Variants in FRMD4B observed in about 807,000 individuals in gnomAD.
The protein encoded by FRMD4B is FERM domain containing 4B.
In FRMD4B, 74 loss-of-function variants were observed where a neutral mutation model predicts 141.5. The ratio of observed to expected loss-of-function variants is 0.52; its 90% CI spans 0.43 to 0.63. FRMD4B has a LOEUF of 0.63. Among genes scored for constraint, FRMD4B ranks in the 30% least tolerant of loss-of-function variants. FRMD4B has a pLI of 0.00. For synonymous variants in FRMD4B, 506 were observed against 467.9 expected (o/e 1.08, Z -1.05); for missense variants, 1,366 against 1,253.4 (o/e 1.09, Z -1.36).
chr3:69,332,930 G>T (rs537629457), intron 1 of FRMD4B, among the ~76,000 whole-genome samples: 1 of 152,014 alleles, frequency 6.6e-6, no homozygotes, highest in South Asian at 2.1e-4. Context: ...CTTAACAAGA[G>T]CATTCACCAA....
intron 5 of FRMD4B, among the ~76,000 whole-genome samples, chr3:69,260,316 C>T (rs145887579): frequency 1.3e-5 from 2 of 152,328 alleles, no homozygotes; most frequent in Non-Finnish European, 2.9e-5. Flanking sequence ...CGCGAGTTGG[C>T]GAGTCAGCAC....
At position 69,486,613 on chromosome 3, in the gene FRMD4B, A is replaced by C. The variant is rs534604886; in HGVS notation, c.-128-53852T>G. The stretch of plus-strand genomic sequence containing the variant: ...AGTGAGCAGAAGGGGATTTACATTG[A>C]ATCTTGGAAAGAAAAGGGGGGAAAA... On this transcript the variant is annotated intron_variant, in intron 1 of 5. Transcript: ENST00000459638. Among the ~76,000 whole-genome samples the C allele has an allele frequency of 3.3e-5, 5 of 152,176 alleles. No individual in the cohort carries two copies. The East Asian group carries it at 7.7e-4, about 23-fold the overall frequency.
intron 2 of FRMD4B, among the ~76,000 whole-genome samples, chr3:69,411,064 G>T (rs1704752928): frequency 6.6e-6 from 1 of 151,914 alleles, no homozygotes; most frequent in African/African-American, 2.4e-5. Flanking sequence ...GATTGAAGTG[G>T]GGACACCGCC....
intron 1 of FRMD4B, among the ~76,000 whole-genome samples, chr3:69,338,406 T>G (rs1427710882): frequency 1.3e-5 from 2 of 152,082 alleles, no homozygotes; most frequent in African/African-American, 4.8e-5. Flanking sequence ...TGTATATATA[T>G]GTAACAAACC....
upstream of FRMD4B, among the ~76,000 whole-genome samples, chr3:69,390,630 T>C (rs1219917233): frequency 2.0e-5 from 3 of 152,242 alleles, no homozygotes; most frequent in Admixed American, 2.0e-4. Flanking sequence ...CGGTGGCTCA[T>C]GCCTGTAATC....
At chr3:69,502,441 C>T (rs561906996) in intron 1 of FRMD4B, among the ~76,000 whole-genome samples, 285 of 152,304 alleles carry the variant, frequency 1.9e-3, no homozygotes, top group African/African-American at 6.6e-3. Flanking sequence ...AAAGGATTCC[C>T]TATTTAATAA....
At chr3:69,296,683 A>G (rs1448845943) in intron 4 of FRMD4B, among the ~76,000 whole-genome samples, 1 of 152,172 alleles carries the variant, frequency 6.6e-6, no homozygotes, top group East Asian at 1.9e-4. Flanking sequence ...AGGGCCTTTA[A>G]ATCACATTCC....
chr3:69,277,678 C>A (rs994984453), intron 5 of FRMD4B, among the ~76,000 whole-genome samples: 1 of 150,780 alleles, frequency 6.6e-6, no homozygotes, highest in East Asian at 2.0e-4. Context: ...ACTACAGGCA[C>A]GCACCACCAC....
chr3:69,200,288 C>T (rs1248081113), intron 11 of FRMD4B: 4 of 371,886 alleles, frequency 1.1e-5, no homozygotes, highest in South Asian at 1.1e-4. Context: ...CACAGCCCTC[C>T]GGGGTCCGCA....
chr3:69,178,322 G>C (rs542497881), intron 21 of FRMD4B, among the ~76,000 whole-genome samples: 16 of 152,152 alleles, frequency 1.1e-4, no homozygotes, highest in South Asian at 4.1e-4. Context: ...AACACTCTGA[G>C]TTTGAGCTTC....
chr3:69,430,758 C>T (rs981724386), intron 2 of FRMD4B, among the ~76,000 whole-genome samples: 3 of 152,172 alleles, frequency 2.0e-5, no homozygotes, highest in African/African-American at 7.2e-5. Context: ...TGACTTCTGC[C>T]CTCATTGCGT....
intron 19 of FRMD4B, among the ~76,000 whole-genome samples, chr3:69,185,118 A>T (rs1340448012): frequency 6.6e-6 from 1 of 152,018 alleles, no homozygotes; most frequent in African/African-American, 2.4e-5. Flanking sequence ...CCTGGCTAAT[A>T]TGAAACACCG....
chr3:69,455,837 C>G (rs1415482057), intron 1 of FRMD4B, among the ~76,000 whole-genome samples: 2 of 152,136 alleles, frequency 1.3e-5, no homozygotes, highest in African/African-American at 2.4e-5. Context: ...CTGTGTGAGT[C>G]AAAGAAAACA....
At chr3:69,348,874 T>C (rs1342656813) in intron 1 of FRMD4B, among the ~76,000 whole-genome samples, 1 of 152,150 alleles carries the variant, frequency 6.6e-6, no homozygotes, top group Non-Finnish European at 1.5e-5. Context: ...CCACAGTCAA[T>C]ATCATACTGA....
chr3:69,181,266 G>A lies in FRMD4B; in HGVS notation c.2484C>T (p.Asp828=), dbSNP rs1431422277. Residue 828 remains aspartate, a synonymous_variant, in exon 21 of 23, where the codon GAC becomes GAT. Transcript: ENST00000398540. ...GGTTGACACTATACTGTCCCTCGGTGTCATTCTCATAGACATAACCACCAC... is the reference window on the plus strand; with the variant it reads ...GGTTGACACTATACTGTCCCTCGGTATCATTCTCATAGACATAACCACCAC... The part of the protein sequence containing the change: ...YYSGGYVYEN[D]TEGQYSVNPS... The A allele has an allele frequency of 1.9e-6, 3 of 1,613,710 alleles. No homozygotes were observed. Among genetic ancestry groups the A allele is most frequent in the Non-Finnish European group, 8.5e-7 (1 of 1,179,672 alleles).
At chr3:69,221,088 G>A (rs930692845) in intron 9 of FRMD4B, among the ~76,000 whole-genome samples, 3 of 151,634 alleles carry the variant, frequency 2.0e-5, no homozygotes, top group Non-Finnish European at 4.4e-5. Flanking sequence ...TCAGCTTCTC[G>A]AGTAGCTGGG....
At chr3:69,420,150 C>T (rs1323539672) in intron 2 of FRMD4B, among the ~76,000 whole-genome samples, 1 of 152,112 alleles carries the variant, frequency 6.6e-6, no homozygotes. Context: ...AGCCACTGTG[C>T]CTGGCCAGGT....
chr3:69,461,136 T>A (rs993687468), intron 1 of FRMD4B, among the ~76,000 whole-genome samples: 1 of 152,236 alleles, frequency 6.6e-6, no homozygotes, highest in African/African-American at 2.4e-5. Context: ...GCGTGTGATA[T>A]CCCCTGTCAG....
chr3:69,304,751 G>A lies in FRMD4B; in HGVS notation c.324-2316C>T, dbSNP rs76071589. 5.7e-4 allele frequency among the ~76,000 whole-genome samples: 86 copies of A among 152,078 alleles called. No individual in the cohort carries two copies. The East Asian group carries it at 0.015, about 26-fold the overall frequency. On this transcript the variant is annotated intron_variant, in intron 3 of 22. Transcript: ENST00000398540. ...CATTTTAGGCTGTAAATTCCCAGAG[G>A]GCATAGACCCTCTTTTACTTGCTTA...
Sources: gnomAD v4.1 joint callset for allele counts (sites outside exome capture counted in the v4.1 genomes callset) on GRCh38, gnomAD v4.1.1 for gene constraint, MANE v1.5 for transcripts, NCBI Gene and HGNC (gene_info 2026-07-23, HGNC 2026-07-21) for gene names.